TBC1D8: variants seen among roughly 807,000 people sequenced by gnomAD.
TBC1D8 encodes the protein TBC1 domain family member 8.
Under a neutral mutation model 118.8 loss-of-function variants are expected in TBC1D8, and 65 were observed. The ratio of observed to expected loss-of-function variants is 0.55; its 90% CI spans 0.45 to 0.67. The LOEUF is 0.67. TBC1D8 is among the 30% of genes least tolerant of loss of function. TBC1D8 has a pLI of 0.00. For missense variants in TBC1D8, 1,376 were observed against 1,471.2 expected (o/e 0.94, Z 1.06); for synonymous variants, 566 against 595.8 (o/e 0.95, Z 0.73).
At chr2:101,060,957 G>A (rs954325465) in intron 2 of TBC1D8, among the ~76,000 whole-genome samples, 1 of 152,046 alleles carries the variant, frequency 6.6e-6, no homozygotes, top group African/African-American at 2.4e-5. Context: ...GGAGGCCGAG[G>A]TGAATGGATC....
At chr2:101,104,699 T>C (rs1459750484) in intron 1 of TBC1D8, among the ~76,000 whole-genome samples, 1 of 152,168 alleles carries the variant, frequency 6.6e-6, no homozygotes, top group African/African-American at 2.4e-5. Flanking sequence ...TAAACCTACG[T>C]GTAAAACAGA....
At chr2:101,071,933 A>G (rs962242349) in intron 2 of TBC1D8, among the ~76,000 whole-genome samples, 2 of 152,222 alleles carry the variant, frequency 1.3e-5, no homozygotes, top group African/African-American at 4.8e-5. Flanking sequence ...CAATTCATCT[A>G]TGCAACTATA....
chr2:101,100,549 A>G (rs1676760744), intron 1 of TBC1D8, among the ~76,000 whole-genome samples: 1 of 152,218 alleles, frequency 6.6e-6, no homozygotes, highest in African/African-American at 2.4e-5. Context: ...GACCCCATAT[A>G]GCCAAGACAA....
At chr2:101,124,866 G>C (rs1246476799) in intron 1 of TBC1D8, among the ~76,000 whole-genome samples, 1 of 152,184 alleles carries the variant, frequency 6.6e-6, no homozygotes, top group Non-Finnish European at 1.5e-5. Flanking sequence ...CTGGAGACGT[G>C]ATAGGGCTTC....
intron 2 of TBC1D8, among the ~76,000 whole-genome samples, chr2:101,065,153 A>C (rs2105429887): frequency 6.6e-6 from 1 of 152,352 alleles, no homozygotes; most frequent in Non-Finnish European, 1.5e-5. Context: ...GCTTGTTTTC[A>C]AAAGCAGCTG....
chr2:101,083,018 G>A (rs1194471473), intron 2 of TBC1D8, among the ~76,000 whole-genome samples: 10 of 152,130 alleles, frequency 6.6e-5, no homozygotes, highest in African/African-American at 1.9e-4. Flanking sequence ...TCCGTTGCAC[G>A]TTGGTGGTGA....
At chr2:101,105,960 A>G (rs1310460000) in intron 1 of TBC1D8, among the ~76,000 whole-genome samples, 1 of 152,176 alleles carries the variant, frequency 6.6e-6, no homozygotes, top group Non-Finnish European at 1.5e-5. Context: ...AACTGGATGC[A>G]GCCAAGATGT....
intron 2 of TBC1D8, among the ~76,000 whole-genome samples, chr2:101,077,319 C>T (rs947068639): frequency 2.0e-5 from 3 of 150,262 alleles, no homozygotes; most frequent in African/African-American, 4.9e-5. Context: ...ATGATCTCGG[C>T]TCACTGCAAC....
intron 1 of TBC1D8, among the ~76,000 whole-genome samples, chr2:101,097,212 T>C (rs1676515136): frequency 6.6e-6 from 1 of 152,010 alleles, no homozygotes; most frequent in South Asian, 2.1e-4. Context: ...GAATTCTATA[T>C]CCAGTGAAAT....
intron 3 of TBC1D8, among the ~76,000 whole-genome samples, chr2:101,056,562 T>C (rs747168557): frequency 5.9e-5 from 9 of 152,238 alleles, no homozygotes; most frequent in Admixed American, 2.0e-4. Context: ...TTCTTCATTA[T>C]GTTTTTCTCT....
chr2:101,037,948 G>A (rs779274292), intron 7 of TBC1D8, among the ~76,000 whole-genome samples: 5 of 152,146 alleles, frequency 3.3e-5, no homozygotes, highest in Non-Finnish European at 7.4e-5. Flanking sequence ...GGGTCCATAT[G>A]CAGTTCCTCA....
chr2:101,028,550 G>T, intron 12 of TBC1D8, 118 bp from the exon 13 acceptor site: 1 of 1,392,600 alleles, frequency 7.2e-7, no homozygotes, highest in Non-Finnish European at 9.5e-7. Flanking sequence ...CTGGGAGGAG[G>T]GCAAGGCTGC....
At chr2:101,015,707 A>T (rs889806619) in intron 17 of TBC1D8, among the ~76,000 whole-genome samples, 3 of 152,228 alleles carry the variant, frequency 2.0e-5, no homozygotes, top group African/African-American at 7.2e-5. Flanking sequence ...ACAGCATGGT[A>T]CTGGTACCAA....
chr2:101,112,300 CA>C (rs1229526733), intron 1 of TBC1D8, among the ~76,000 whole-genome samples: 2 of 152,182 alleles, frequency 1.3e-5, no homozygotes, highest in Non-Finnish European at 2.9e-5. Flanking sequence ...TTAAAGAATA[CA>C]GTTCTGTGGA....
Position 101,121,728 on chromosome 2 carries a change from A to G in TBC1D8, c.127+29399T>C, listed in dbSNP as rs114558204. Among the ~76,000 whole-genome samples the G allele has an allele frequency of 9.1e-3, 1,380 of 152,346 alleles. 22 individuals are homozygous for G. The highest frequency in any genetic ancestry group is 0.032 in the African/African-American group (1,322 of 41,576). ...GACCATAGCACAATGCTATTATTCC[A>G]GTAAGTGAAAAGACACAGGACTGAT... On this transcript the variant is annotated intron_variant, in intron 1 of 19. Coordinates refer to ENST00000409318, the MANE Select transcript of TBC1D8 (RefSeq NM_001330348.2).
intron 10 of TBC1D8, chr2:101,033,303 T>C (rs1356118305): frequency 1.4e-5 from 8 of 562,970 alleles, no homozygotes; most frequent in Non-Finnish European, 2.3e-5. Flanking sequence ...TTTTAGTAGA[T>C]GGGGTTTCAC....
intron 8 of TBC1D8, 104 bp downstream of exon 8, chr2:101,037,428 C>T: frequency 6.7e-7 from 1 of 1,497,582 alleles, no homozygotes; most frequent in Non-Finnish European, 8.9e-7. Flanking sequence ...CGTTAGCTTC[C>T]CAAAGTCAGG....
chr2:101,027,433 C>G lies in TBC1D8; in HGVS notation c.2470G>C (p.Glu824Gln), dbSNP rs780191847. The change falls in exon 15 of 20, where the codon GAA (glutamate) becomes CAA (glutamine). Residue 824 changes from glutamate (E) to glutamine (Q), a missense_variant. Transcript: ENST00000409318. ...KQNVLRVVIP[E>Q]VSILPEDLEE... Reference sequence around the variant, plus strand: ...AGGTCTTCAGGAAGAATTGAGACTTCCGGGATAACGACTCGAAGCTTGAGG... The same window carrying G: ...AGGTCTTCAGGAAGAATTGAGACTTGCGGGATAACGACTCGAAGCTTGAGG... The G allele has an allele frequency of 7.4e-6, 12 of 1,613,054 alleles. No homozygotes were observed. In the Admixed American group the frequency reaches 1.5e-4, roughly 20 times the overall value.
At position 101,020,013 on chromosome 2, in the gene TBC1D8, C is replaced by T. The variant is rs947382205; in HGVS notation, c.2827+1668G>A. Among the ~76,000 whole-genome samples the T allele has an allele frequency of 1.6e-4, 23 of 148,086 alleles. 1 individual carries two copies. The highest frequency in any genetic ancestry group is 6.9e-5 in the Admixed American group (1 of 14,550). On this transcript the variant is annotated intron_variant, in intron 17 of 19. Transcript: ENST00000409318. ...TGTGGAACCCGGGAGGCGGAGCTTGCAGTGAGCCGAGATTGCGCCACTGCA... is the reference window on the plus strand; with the variant it reads ...TGTGGAACCCGGGAGGCGGAGCTTGTAGTGAGCCGAGATTGCGCCACTGCA...
Sources: allele counts gnomAD v4.1 joint callset (sites outside exome capture counted in the v4.1 genomes callset), GRCh38; gene constraint gnomAD v4.1.1; transcripts MANE v1.5; gene names NCBI Gene and HGNC (gene_info 2026-07-23, HGNC 2026-07-21).